The following ATP2C2 variants were observed in gnomAD, a reference collection of about 807,000 sequenced individuals.
The protein encoded by ATP2C2 is ATPase secretory pathway Ca2+ transporting 2.
A neutral mutation model predicts 110.8 loss-of-function variants in ATP2C2; 171 were observed. That is an observed-to-expected ratio of 1.54 (90% confidence interval 1.36 to 1.75). The LOEUF (loss-of-function observed/expected upper bound fraction) is 1.75, where lower values mean the gene tolerates loss of function less well. ATP2C2 is among the 40% of genes most tolerant of loss of function. ATP2C2 has a pLI of 0.00. For missense variants in ATP2C2, 1,963 were observed against 1,235.0 expected (o/e 1.59, Z -8.84); for synonymous variants, 804 against 508.4 (o/e 1.58, Z -7.82).
chr16:84,397,496 G>A (rs1905057545), intron 1 of ATP2C2, among the ~76,000 whole-genome samples: 1 of 150,832 alleles, frequency 6.6e-6, no homozygotes, highest in Admixed American at 6.6e-5. Flanking sequence ...GCAACATAGG[G>A]AGACCCTGTC....
chr16:84,419,089 G>A (rs1471412117), intron 7 of ATP2C2, among the ~76,000 whole-genome samples: 1 of 151,654 alleles, frequency 6.6e-6, no homozygotes. Context: ...TGCACCTGTA[G>A]TCCCAGCTAC....
At chr16:84,417,534 C>G (rs1906948427) in intron 7 of ATP2C2, among the ~76,000 whole-genome samples, 1 of 152,290 alleles carries the variant, frequency 6.6e-6, no homozygotes. Flanking sequence ...TTTGAAACAA[C>G]TTTTTAGACC....
intron 17 of ATP2C2, among the ~76,000 whole-genome samples, chr16:84,450,086 GCGGGA>G (rs2150580142): frequency 6.6e-6 from 1 of 152,378 alleles, no homozygotes; most frequent in Non-Finnish European, 1.5e-5. Flanking sequence ...TCCAGGCCTT[GCGGGA>G]GAGCGTAATG....
At chr16:84,374,678 G>A (rs1452525058) in intron 1 of ATP2C2, among the ~76,000 whole-genome samples, 1 of 152,052 alleles carries the variant, frequency 6.6e-6, no homozygotes, top group South Asian at 2.1e-4. Context: ...CTGATGGGGG[G>A]TCCTTTGGTT....
chr16:84,451,161 G>A (rs1014220416), intron 17 of ATP2C2, among the ~76,000 whole-genome samples: 8 of 152,100 alleles, frequency 5.3e-5, no homozygotes, highest in African/African-American at 1.2e-4. Context: ...CATGGCAGCC[G>A]GCAAGAGAGA....
intron 11 of ATP2C2, among the ~76,000 whole-genome samples, chr16:84,432,092 C>T (rs4782964): frequency 0.51 from 78,085 of 151,622 alleles, 20,622 homozygotes; most frequent in African/African-American, 0.62. Context: ...GGGTGGGGCC[C>T]GAGACTCACA....
At chr16:84,400,462 G>A (rs1286362196) in intron 2 of ATP2C2, among the ~76,000 whole-genome samples, 2 of 152,060 alleles carry the variant, frequency 1.3e-5, no homozygotes, top group African/African-American at 2.4e-5. Context: ...GAGTAGCTGG[G>A]ACTACAGGCG....
intron 6 of ATP2C2, 99 bp downstream of exon 6, chr16:84,410,864 T>C: frequency 6.5e-6 from 8 of 1,235,232 alleles, no homozygotes; most frequent in Non-Finnish European, 9.3e-6. Context: ...CTTGGTAGTG[T>C]CGGACAAGAG....
At position 84,422,470 on chromosome 16, in the gene ATP2C2, C is replaced by A. The variant is rs369777857; in HGVS notation, c.705C>A (p.Gly235=). 15 of 1,613,986 alleles carry A rather than the reference C, an allele frequency of 9.3e-6. No homozygotes were observed. The highest frequency in any genetic ancestry group is 4.0e-5 in the African/African-American group (3 of 74,910). The stretch of plus-strand genomic sequence containing the variant: ...GTAAAACAGACAGCCCCTTGACAGG[C>A]GGTGGGGACCTCACCACCCTCAGCA... The part of the protein sequence containing the change: ...PCSKTDSPLT[G]GGDLTTLSNI... The change falls in exon 8 of 27, where the codon GGC becomes GGA. Residue 235 remains glycine (G), a synonymous_variant. Coordinates refer to ENST00000262429, the MANE Select transcript of ATP2C2 (RefSeq NM_014861.4).
chr16:84,430,135 C>G (rs1181055712), intron 11 of ATP2C2, among the ~76,000 whole-genome samples: 1 of 152,210 alleles, frequency 6.6e-6, no homozygotes, highest in Non-Finnish European at 1.5e-5. Flanking sequence ...AGGTCACATT[C>G]ACGTGTACCA....
intron 2 of ATP2C2, among the ~76,000 whole-genome samples, chr16:84,399,539 A>T (rs1905195629): frequency 6.6e-6 from 1 of 152,240 alleles, no homozygotes; most frequent in African/African-American, 2.4e-5. Context: ...TGACTCATAA[A>T]TTAGCTGTAT....
chr16:84,394,788 C>T (rs1353261029), intron 1 of ATP2C2, among the ~76,000 whole-genome samples: 3 of 152,140 alleles, frequency 2.0e-5, no homozygotes, highest in Non-Finnish European at 2.9e-5. Context: ...ACATGGACTT[C>T]CCTGTGTGCA....
intron 7 of ATP2C2, among the ~76,000 whole-genome samples, chr16:84,417,941 C>G (rs985400743): frequency 3.3e-5 from 5 of 152,216 alleles, no homozygotes; most frequent in African/African-American, 1.2e-4. Context: ...CTAGCAGGTT[C>G]AGCAGGAAGC....
rs771141399 is a variant in ATP2C2 at position 84,422,556 on chromosome 16, C to T, written c.774+17C>T. On this transcript the variant is annotated intron_variant, in intron 8 of 26. Transcript: ENST00000262429. ...AGGGGCCAGGTAAGCCCTGGGACACCGAGGCCTTGGGCTCCCGTAACCCAC... is the reference window on the plus strand; with the variant it reads ...AGGGGCCAGGTAAGCCCTGGGACACTGAGGCCTTGGGCTCCCGTAACCCAC... 3.8e-5 allele frequency: 62 copies of T among 1,612,498 alleles called. No homozygotes were observed. Among genetic ancestry groups the T allele is most frequent in the African/African-American group, 1.3e-4 (10 of 74,826 alleles).
At chr16:84,438,946 A>G (rs247906) in intron 11 of ATP2C2, 194,257 of 525,580 alleles carry the variant, frequency 0.37, 37,699 homozygotes, top group Non-Finnish European at 0.41. Flanking sequence ...GACTGACAGG[A>G]GAGGTCCCTT....
Position 84,388,254 on chromosome 16 carries a change from G to C in ATP2C2, c.100-10245G>C, listed in dbSNP as rs1904432414. The stretch of plus-strand genomic sequence containing the variant: ...GCAAGAGAATGGCTTGAACCCGGGA[G>C]GCAGAGGTTGCAGTGAGCCGAGATC... On this transcript the variant is annotated intron_variant, in intron 1 of 26. Coordinates refer to ENST00000262429, the MANE Select transcript of ATP2C2 (RefSeq NM_014861.4). Among the ~76,000 whole-genome samples the C allele has an allele frequency of 2.0e-5, 3 of 152,254 alleles. No individual in the cohort carries two copies. In the South Asian group the frequency reaches 6.2e-4, roughly 32 times the overall value.
chr16:84,422,300 C>A, intron 7 of ATP2C2, 90 bp from the exon 8 acceptor site: 1 of 1,441,538 alleles, frequency 6.9e-7, no homozygotes, highest in Non-Finnish European at 9.5e-7. Context: ...GAGTTCATGT[C>A]CATGAAGGTG....
At position 84,442,551 on chromosome 16, in the gene ATP2C2, C is replaced by G. The variant is rs116185386; in HGVS notation, c.1353C>G (p.Ala451=). Reference sequence around the variant, plus strand: ...ACAATGCGGTCATCAGAAAGAACGCCGTGATGGGGCAGCCCACCGAGGGTG... The same window carrying G: ...ACAATGCGGTCATCAGAAAGAACGCGGTGATGGGGCAGCCCACCGAGGGTG... ...VANNAVIRKN[A]VMGQPTEGAL... The change falls in exon 15 of 27, where the codon GCC becomes GCG. Residue 451 remains alanine, a synonymous_variant. Coordinates refer to ENST00000262429, the MANE Select transcript of ATP2C2 (RefSeq NM_014861.4). 1 of 1,613,886 alleles carries G rather than the reference C, an allele frequency of 6.2e-7. No homozygotes were observed. Among genetic ancestry groups the G allele is most frequent in the Non-Finnish European group, 8.5e-7 (1 of 1,179,932 alleles).
intron 15 of ATP2C2, 44 bp from the exon 16 acceptor site, chr16:84,446,285 G>A: frequency 8.4e-7 from 1 of 1,197,008 alleles, no homozygotes. Context: ...TATAGAGATT[G>A]GCTTCGGATG....
Sources: gnomAD v4.1 joint callset for allele counts (sites outside exome capture counted in the v4.1 genomes callset) on GRCh38, gnomAD v4.1.1 for gene constraint, MANE v1.5 for transcripts, NCBI Gene and HGNC (gene_info 2026-07-23, HGNC 2026-07-21) for gene names.